RAP1GAP2: variants seen among roughly 807,000 people sequenced by gnomAD.
RAP1GAP2 encodes the protein RAP1 GTPase activating protein 2.
RAP1GAP2 carries 27 observed loss-of-function variants against 95.0 expected under a neutral mutation model. The observed-to-expected ratio is 0.28, with a 90% CI of 0.21 to 0.39. The LOEUF is 0.39. RAP1GAP2 is among the 10% of genes least tolerant of loss of function. The probability of loss-of-function intolerance (pLI) is 1.00; values close to 1 mark genes in which losing one functional copy is unlikely to be tolerated. For missense variants in RAP1GAP2, 771 were observed against 970.0 expected, an observed-to-expected ratio of 0.79 and a Z score of 2.72; for synonymous variants, 373 against 380.9, an observed-to-expected ratio of 0.98 and a Z score of 0.24.
intron 8 of RAP1GAP2, among the ~76,000 whole-genome samples, chr17:2,976,411 G>GA (rs1250298826): frequency 9.2e-5 from 14 of 151,976 alleles, no homozygotes; most frequent in African/African-American, 3.1e-4. Context: ...TACTGGAGGG[G>GA]AAAAAATCTC....
intron 17 of RAP1GAP2, among the ~76,000 whole-genome samples, chr17:3,017,855 G>A (rs545204053): frequency 2.6e-5 from 4 of 152,326 alleles, no homozygotes; most frequent in Admixed American, 1.3e-4. Flanking sequence ...TGCCCAGAGT[G>A]TGGGGCAGAA....
At position 3,028,301 on chromosome 17, in the gene RAP1GAP2, T is replaced by C. The variant is rs62089804; in HGVS notation, c.2107+1231T>C. Among the ~76,000 whole-genome samples, 1,080 of 150,720 alleles carry C rather than the reference T, an allele frequency of 7.2e-3. 4 individuals are homozygous for C. The highest frequency in any genetic ancestry group is 0.014 in the Middle Eastern group (4 of 294). On this transcript the variant is annotated intron_variant, in intron 22 of 24. Transcript: ENST00000254695. Reference sequence around the variant, plus strand: ...GGTTCTGAGCCGGGGGCAGTCTTGCTACCCCATGGATGTCTGGCAATGTCT... The same window carrying C: ...GGTTCTGAGCCGGGGGCAGTCTTGCCACCCCATGGATGTCTGGCAATGTCT...
At chr17:2,874,204 A>AT (rs2072985288) in intron 2 of RAP1GAP2, among the ~76,000 whole-genome samples, 1 of 152,174 alleles carries the variant, frequency 6.6e-6, no homozygotes, top group Admixed American at 6.6e-5. Flanking sequence ...GAGGCATAAG[A>AT]TTGAGCTCTG....
At chr17:2,774,545 G>A (rs1329928115), upstream of RAP1GAP2, among the ~76,000 whole-genome samples, 10 of 146,076 alleles carry the variant, frequency 6.8e-5, no homozygotes, top group Admixed American at 6.4e-4. Flanking sequence ...GCAGTAGTGC[G>A]ATCTGCAATG....
rs190347651 is a variant in RAP1GAP2 at position 2,914,330 on chromosome 17, A to G, written c.165+8962A>G. On this transcript the variant is annotated intron_variant, in intron 3 of 24. Coordinates refer to ENST00000254695, the MANE Select transcript of RAP1GAP2 (RefSeq NM_015085.5). Reference sequence around the variant, plus strand: ...ATTTTAGCTACTTGAACGGTATCTCATTGTGGTTTTAATCCACATTTTCTC... The same window carrying G: ...ATTTTAGCTACTTGAACGGTATCTCGTTGTGGTTTTAATCCACATTTTCTC... Among the ~76,000 whole-genome samples the G allele has an allele frequency of 6.2e-4, 95 of 152,262 alleles. No homozygotes were observed. In the Middle Eastern group the frequency reaches 0.02, roughly 33 times the overall value.
chr17:2,859,099 C>T (rs934349676), intron 2 of RAP1GAP2, among the ~76,000 whole-genome samples: 4 of 150,760 alleles, frequency 2.7e-5, no homozygotes, highest in African/African-American at 9.7e-5. Flanking sequence ...TCTGTATTTT[C>T]CTCCAACTCT....
intron 1 of RAP1GAP2, among the ~76,000 whole-genome samples, chr17:2,769,230 T>C (rs2068337568): frequency 2.6e-5 from 2 of 77,006 alleles, no homozygotes; most frequent in Admixed American, 4.1e-4. Flanking sequence ...AAACCATTTC[T>C]CTAAAAAAAA....
At chr17:3,016,351 C>T (rs1239849763) in intron 17 of RAP1GAP2, among the ~76,000 whole-genome samples, 10 of 152,368 alleles carry the variant, frequency 6.6e-5, no homozygotes, top group East Asian at 1.9e-4. Context: ...CTTAATCCTG[C>T]GTCCCATGGA....
chr17:2,808,694 A>G (rs1041835902), intron 2 of RAP1GAP2, among the ~76,000 whole-genome samples: 1 of 152,196 alleles, frequency 6.6e-6, no homozygotes, highest in Non-Finnish European at 1.5e-5. Context: ...GATACCCTCC[A>G]GGTGGGTCGA....
chr17:2,951,096 G>A (rs1370860756), intron 3 of RAP1GAP2, among the ~76,000 whole-genome samples: 3 of 152,188 alleles, frequency 2.0e-5, no homozygotes, highest in Non-Finnish European at 2.9e-5. Flanking sequence ...CCTTGCAGCC[G>A]AAGCCTGAGT....
rs536190583 is a variant in RAP1GAP2, at chr17:2,866,668, C to T, written c.81-38616C>T. ...AGGCTGGAGTGCAGTGGTGCGATCT[C>T]GGCTCACTGCAGCCTCCGCCTCCCG... On this transcript the variant is annotated intron_variant, in intron 2 of 24. Coordinates refer to ENST00000254695, the MANE Select transcript of RAP1GAP2 (RefSeq NM_015085.5). This position sits in a 1 kb window ranked among gnomAD's most constrained non-coding sequence, Gnocchi z 4.0. 7.2e-5 allele frequency among the ~76,000 whole-genome samples: 11 copies of T among 152,058 alleles called. No homozygotes were observed. The highest frequency in any genetic ancestry group is 3.3e-4 in the Admixed American group (5 of 15,264).
chr17:2,803,235 A>G (rs2069374305), intron 2 of RAP1GAP2, among the ~76,000 whole-genome samples: 1 of 152,220 alleles, frequency 6.6e-6, no homozygotes, highest in Non-Finnish European at 1.5e-5. Context: ...CTGAGTGATT[A>G]TCTGGGAAGG....
intron 2 of RAP1GAP2, among the ~76,000 whole-genome samples, chr17:2,801,311 C>CT (rs1286735174): frequency 6.6e-6 from 1 of 151,012 alleles, no homozygotes; most frequent in Non-Finnish European, 1.5e-5. Context: ...CCCGTCTCTA[C>CT]TAAAAATACA....
At chr17:2,808,567 C>T (rs987798393) in intron 2 of RAP1GAP2, among the ~76,000 whole-genome samples, 1 of 152,132 alleles carries the variant, frequency 6.6e-6, no homozygotes, top group Non-Finnish European at 1.5e-5. Context: ...GCACGGCGTC[C>T]CCTCGCTGGC....
chr17:2,832,773 C>T (rs1429807294), intron 2 of RAP1GAP2, among the ~76,000 whole-genome samples: 4 of 151,830 alleles, frequency 2.6e-5, no homozygotes, highest in East Asian at 2.0e-4. Context: ...GTCAGGAATT[C>T]GAGTCCAGCC....
At chr17:2,942,519 C>G (rs919067569) in intron 3 of RAP1GAP2, among the ~76,000 whole-genome samples, 12 of 152,150 alleles carry the variant, frequency 7.9e-5, no homozygotes, top group Non-Finnish European at 1.3e-4. Flanking sequence ...ATTTTGAAAA[C>G]TTCAGCAACA....
rs1201524338 is a variant in RAP1GAP2 at position 3,037,673 on chromosome 17, C to CA, written c.*4315dup. 6.6e-6 allele frequency: 1 copy of CA among 152,456 alleles called. No individual in the cohort carries two copies. Among genetic ancestry groups the CA allele is most frequent in the Non-Finnish European group, 1.5e-5 (1 of 68,014 alleles). 9.4% of individuals were successfully genotyped at this position (152,456 alleles called of 1,614,324 possible). ...TACAAAACAAATTCTAAAAGGTTGA[C>CA]AAATGTATATTTTGTTGCTTAAATG... On this transcript the variant is annotated 3_prime_UTR_variant, in exon 25 of 25. Transcript: ENST00000254695.
In RAP1GAP2 at chr17:2,917,650, C is replaced by T. The variant is rs551122431; in HGVS notation, c.165+12282C>T. ...AAACTCCAGATCTCAGGTGATCCTCCCACCTGGGCCTCCCAAAGTGCTGGA... is the reference window on the plus strand; with the variant it reads ...AAACTCCAGATCTCAGGTGATCCTCTCACCTGGGCCTCCCAAAGTGCTGGA... On this transcript the variant is annotated intron_variant, in intron 3 of 24. Coordinates refer to ENST00000254695, the MANE Select transcript of RAP1GAP2 (RefSeq NM_015085.5). Among the ~76,000 whole-genome samples, 4 of 152,150 alleles carry T rather than the reference C, an allele frequency of 2.6e-5. No individual in the cohort carries two copies. The South Asian group carries it at 8.3e-4, about 32-fold the overall frequency.
At chr17:2,822,909 TCTA>T (rs1190105180) in intron 2 of RAP1GAP2, among the ~76,000 whole-genome samples, 2 of 152,076 alleles carry the variant, frequency 1.3e-5, no homozygotes, top group Non-Finnish European at 2.9e-5. Context: ...GGTCAGGAGT[TCTA>T]GACCAGCCTG....
Sources: allele counts gnomAD v4.1 joint callset (sites outside exome capture counted in the v4.1 genomes callset), GRCh38; gene constraint gnomAD v4.1.1; non-coding constraint Gnocchi (gnomAD v3.1); transcripts MANE v1.5; gene names NCBI Gene and HGNC (gene_info 2026-07-23, HGNC 2026-07-21).